FYTTD1: variants seen among roughly 807,000 people sequenced by gnomAD.
FYTTD1 encodes forty-two-three domain containing 1.
In FYTTD1, 22 loss-of-function variants were observed where a neutral mutation model predicts 40.9. The observed-to-expected ratio is 0.54, with a 90% CI of 0.38 to 0.77. The LOEUF (loss-of-function observed/expected upper bound fraction) is 0.77. FYTTD1 is among the 30% of genes least tolerant of loss of function. FYTTD1 has a pLI of 0.00. For synonymous variants in FYTTD1, 140 were observed against 137.9 expected (o/e 1.01, Z -0.10); for missense variants, 351 against 392.2 (o/e 0.90, Z 0.89).
intron 2 of FYTTD1, among the ~76,000 whole-genome samples, chr3:197,768,092 G>C (rs1002033936): frequency 1.3e-5 from 2 of 152,134 alleles, no homozygotes; most frequent in African/African-American, 4.8e-5. Context: ...TCAGACTAGT[G>C]CTTAACTTCA....
At chr3:197,755,387 G>A (rs944492326) in intron 1 of FYTTD1, among the ~76,000 whole-genome samples, 12 of 152,006 alleles carry the variant, frequency 7.9e-5, no homozygotes, top group African/African-American at 2.7e-4. Flanking sequence ...TCAACATTTA[G>A]TATTTTAGTT....
rs1273185660 is a variant in FYTTD1, at chr3:197,784,649, G to A, written c.*2740G>A. On this transcript the variant is annotated 3_prime_UTR_variant, in exon 9 of 9. Coordinates refer to ENST00000241502, the MANE Select transcript of FYTTD1 (RefSeq NM_032288.7). ...TTTACTAAAAATACAGACATTAGCTGGTGTGGTGACATGTGCCTGTGGTCC... is the reference window on the plus strand; with the variant it reads ...TTTACTAAAAATACAGACATTAGCTAGTGTGGTGACATGTGCCTGTGGTCC... 3 of 152,158 alleles carry A rather than the reference G, an allele frequency of 2.0e-5. No homozygotes were observed. The highest frequency in any genetic ancestry group is 2.9e-5 in the Non-Finnish European group (2 of 68,066). The allele number at this position is 152,158 out of a possible 1,614,324, so 9.4% of individuals were successfully genotyped here.
At chr3:197,777,539 C>A (rs1409609506) in intron 7 of FYTTD1, among the ~76,000 whole-genome samples, 1 of 152,070 alleles carries the variant, frequency 6.6e-6, no homozygotes, top group Non-Finnish European at 1.5e-5. Flanking sequence ...GCACCTGACC[C>A]AATATATATA....
intron 1 of FYTTD1, among the ~76,000 whole-genome samples, chr3:197,751,640 C>T (rs1331773027): frequency 1.4e-5 from 2 of 145,748 alleles, no homozygotes; most frequent in Non-Finnish European, 3.0e-5. Flanking sequence ...TCCCCCCGCT[C>T]TCCCCCCCCG....
chr3:197,766,099 G>T (rs919944355), intron 2 of FYTTD1, among the ~76,000 whole-genome samples: 14 of 151,274 alleles, frequency 9.3e-5, no homozygotes, highest in Non-Finnish European at 1.3e-4. Flanking sequence ...GGAGGTGGAG[G>T]TTGCAGTGAG....
intron 2 of FYTTD1, among the ~76,000 whole-genome samples, chr3:197,759,789 G>GTGTTCTTCAGTGGTAGAACGTATAGAGT (rs1440504503): frequency 2.2e-4 from 33 of 147,286 alleles, no homozygotes; most frequent in African/African-American, 8.3e-4. Flanking sequence ...AATGTATAGA[G>GTGTTCTTCAGTGGTAGAACGTATAGAGT]TGTTCTTCAG....
At chr3:197,778,757 A>G (rs1323872417) in intron 8 of FYTTD1, among the ~76,000 whole-genome samples, 1 of 152,210 alleles carries the variant, frequency 6.6e-6, no homozygotes, top group Admixed American at 6.5e-5. Context: ...CATCATATGT[A>G]TATACCACAT....
At chr3:197,756,755 A>C (rs1729227208) in intron 2 of FYTTD1, among the ~76,000 whole-genome samples, 198 bp downstream of exon 2, 1 of 152,220 alleles carries the variant, frequency 6.6e-6, no homozygotes, top group South Asian at 2.1e-4. Context: ...CTGTCTCTTA[A>C]ACGTTGTAAG....
chr3:197,786,643 A>T lies in FYTTD1; in HGVS notation c.*4734A>T, dbSNP rs866697153. 2 of 152,224 alleles carry T rather than the reference A, an allele frequency of 1.3e-5. No individual in the cohort carries two copies. Among genetic ancestry groups the T allele is most frequent in the African/African-American group, 4.8e-5 (2 of 41,456 alleles). The allele number at this position is 152,224 out of a possible 1,614,324, so 9.4% of individuals were successfully genotyped here. ...GTCTGAATTTTCCTGTATAAAGTTT[A>T]AAAAAGTTAATTATTAGGACTTGTT... On this transcript the variant is annotated 3_prime_UTR_variant, in exon 9 of 9. Coordinates refer to ENST00000241502, the MANE Select transcript of FYTTD1 (RefSeq NM_032288.7).
At chr3:197,762,838 C>T (rs139555041) in intron 2 of FYTTD1, among the ~76,000 whole-genome samples, 5,701 of 151,276 alleles carry the variant, frequency 0.038, 378 homozygotes, top group African/African-American at 0.13. Flanking sequence ...GCCGAGATCG[C>T]GGCCACTGCA....
chr3:197,783,916 T>C lies in FYTTD1; in HGVS notation c.*2007T>C, dbSNP rs78759994. On this transcript the variant is annotated 3_prime_UTR_variant, in exon 9 of 9. Transcript: ENST00000241502. Reference sequence around the variant, plus strand: ...AAATTATCTTTGATACATTAAACTTTTATTCTTCATGCATCTGTAATTTAA... The same window carrying C: ...AAATTATCTTTGATACATTAAACTTCTATTCTTCATGCATCTGTAATTTAA... 9 of 152,752 alleles carry C rather than the reference T, an allele frequency of 5.9e-5. No individual in the cohort carries two copies. The East Asian group carries it at 1.7e-3, about 29-fold the overall frequency. 9.5% of individuals were successfully genotyped at this position (152,752 alleles called of 1,614,324 possible). A position where few individuals can be genotyped will look rare whatever the true frequency, so the allele number is the denominator to read the frequency against.
intron 2 of FYTTD1, among the ~76,000 whole-genome samples, chr3:197,765,713 T>C (rs996536970): frequency 4.0e-5 from 6 of 151,584 alleles, no homozygotes; most frequent in Non-Finnish European, 5.9e-5. Context: ...AATACAAAAA[T>C]AGTCCGGGCG....
chr3:197,766,354 A>G (rs115549211), intron 2 of FYTTD1, among the ~76,000 whole-genome samples: 88 of 152,142 alleles, frequency 5.8e-4, no homozygotes, highest in African/African-American at 2.0e-3. Flanking sequence ...GGCATATTAA[A>G]AAGTAATGCG....
intron 6 of FYTTD1, among the ~76,000 whole-genome samples, chr3:197,775,092 T>C (rs1729839720): frequency 6.6e-6 from 1 of 152,228 alleles, no homozygotes; most frequent in South Asian, 2.1e-4. Flanking sequence ...CTTTTTCTTT[T>C]TTTTGCTATA....
chr3:197,768,352 C>G, intron 2 of FYTTD1, 87 bp from the exon 3 acceptor site: 2 of 898,694 alleles, frequency 2.2e-6, no homozygotes, highest in Non-Finnish European at 3.3e-6. Flanking sequence ...TTCATAAGTT[C>G]CCCCTTCCTT....
In FYTTD1 at chr3:197,776,140, T is replaced by C. The variant is rs538718786; in HGVS notation, c.657-787T>C. On this transcript the variant is annotated intron_variant, in intron 6 of 8. Transcript: ENST00000241502. ...GGAAATAGTGATACAGCCATCAAAA[T>C]GTTTCATGGTGGGTAAGGAAACTGG... 3.3e-4 allele frequency among the ~76,000 whole-genome samples: 50 copies of C among 152,146 alleles called. No homozygotes were observed. In the South Asian group the frequency reaches 0.01, roughly 32 times the overall value.
At chr3:197,778,726 GT>G (rs1362621371) in intron 8 of FYTTD1, among the ~76,000 whole-genome samples, 1 of 152,076 alleles carries the variant, frequency 6.6e-6, no homozygotes. Flanking sequence ...GTTTAATTTT[GT>G]TTTCCTGCTG....
In FYTTD1 at chr3:197,768,585, A is replaced by G; in HGVS notation, c.382A>G (p.Lys128Glu). ...SPMNRPPLSD[K>E]NIEQYFPVLK... ...TATGAATCGTCCACCTCTAAGTGACAAGGTAGGATGATGGCTTAATCCTGG... is the reference window on the plus strand; with the variant it reads ...TATGAATCGTCCACCTCTAAGTGACGAGGTAGGATGATGGCTTAATCCTGG... The change falls in exon 3 of 9, where the codon AAG (lysine) becomes GAG (glutamate). Residue 128 changes from lysine (K) to glutamate (E), a missense_variant and splice_region_variant. Transcript: ENST00000241502. 1.2e-6 allele frequency: 2 copies of G among 1,611,972 alleles called. No homozygotes were observed. Among genetic ancestry groups the G allele is most frequent in the South Asian group, 2.2e-5 (2 of 90,612 alleles).
intron 2 of FYTTD1, among the ~76,000 whole-genome samples, chr3:197,757,636 G>A (rs145555601): frequency 6.6e-5 from 10 of 152,270 alleles, no homozygotes; most frequent in East Asian, 5.8e-4. Context: ...TTAGCCAGGC[G>A]TGGTGGTACC....
Sources: gnomAD v4.1 joint callset for allele counts (sites outside exome capture counted in the v4.1 genomes callset) on GRCh38, gnomAD v4.1.1 for gene constraint, MANE v1.5 for transcripts, NCBI Gene and HGNC (gene_info 2026-07-23, HGNC 2026-07-21) for gene names.